Variants in ZYG11A observed in about 807,000 individuals in gnomAD.
The protein encoded by ZYG11A is zyg-11 family member A, cell cycle regulator, also known as protein zyg-11 homolog A.
ZYG11A carries 62 observed loss-of-function variants against 77.2 expected under a neutral mutation model. The observed-to-expected ratio is 0.80, with a 90% CI of 0.65 to 0.99. The LOEUF is 0.99. Ranked by LOEUF, ZYG11A falls within the 50% of genes least tolerant of loss-of-function variation. ZYG11A has a pLI of 0.00. For synonymous variants in ZYG11A, 315 were observed against 324.6 expected (o/e 0.97, Z 0.32); for missense variants, 828 against 896.8 (o/e 0.92, Z 0.98).
rs528231294 is a variant in ZYG11A at position 52,878,538 on chromosome 1, G to A, written c.1749+569G>A. On this transcript the variant is annotated intron_variant, in intron 10 of 13. Transcript: ENST00000371528. ...CAGTAAAGTCACATTGCTACGGGGT[G>A]TATATACAGGGATAGGAGAAGTTGT... Among the ~76,000 whole-genome samples, 33 of 152,328 alleles carry A rather than the reference G, an allele frequency of 2.2e-4. No individual in the cohort carries two copies. In the Middle Eastern group the frequency reaches 0.02, roughly 94 times the overall value.
At chr1:52,890,235 A>T in intron 13 of ZYG11A, among the ~76,000 whole-genome samples, 1 of 148,184 alleles carries the variant, frequency 6.7e-6, no homozygotes, top group South Asian at 2.1e-4. Flanking sequence ...TTGGGAGAAA[A>T]ATATTTTCTT....
intron 1 of ZYG11A, among the ~76,000 whole-genome samples, chr1:52,847,513 T>G (rs1245337578): frequency 6.6e-6 from 1 of 151,514 alleles, no homozygotes; most frequent in Non-Finnish European, 1.5e-5. Context: ...CCTGTCATTT[T>G]TTTTTTTTTT....
Position 52,881,840 on chromosome 1 carries a change from A to G in ZYG11A, c.1944+175A>G, listed in dbSNP as rs970595813. 11 of 509,626 alleles carry G rather than the reference A, an allele frequency of 2.2e-5. 1 individual carries two copies. The South Asian group carries it at 3.2e-4, about 15-fold the overall frequency. 31.6% of individuals were successfully genotyped at this position (509,626 alleles called of 1,614,324 possible). A position where few individuals can be genotyped will look rare whatever the true frequency, so the allele number is the denominator to read the frequency against. ...CTCTGTTAACATTTTGTTGCATATG[A>G]CTTACTTCGGTCCTCTTTCTCATCA... On this transcript the variant is annotated intron_variant, in intron 11 of 13. Coordinates refer to ENST00000371528, the MANE Select transcript of ZYG11A (RefSeq NM_001004339.3).
At chr1:52,870,464 C>A (rs1196534432) in intron 8 of ZYG11A, among the ~76,000 whole-genome samples, 1 of 152,226 alleles carries the variant, frequency 6.6e-6, no homozygotes, top group African/African-American at 2.4e-5. Flanking sequence ...AGGGCGGCGG[C>A]CGGGCAGAGG....
At chr1:52,886,699 A>ATTTTTTTT (rs386366962) in intron 12 of ZYG11A, among the ~76,000 whole-genome samples, 25 of 69,134 alleles carry the variant, frequency 3.6e-4, no homozygotes, top group South Asian at 7.6e-4. Flanking sequence ...GGCCCAGCTA[A>ATTTTTTTT]TTTTTTTTTT....
At chr1:52,852,301 C>G (rs1167635947) in intron 1 of ZYG11A, among the ~76,000 whole-genome samples, 1 of 151,480 alleles carries the variant, frequency 6.6e-6, no homozygotes, top group African/African-American at 2.4e-5. Flanking sequence ...CCCACCTCAT[C>G]TTCCCAAAGT....
Position 52,864,078 on chromosome 1 carries a change from A to G in ZYG11A, c.1247A>G (p.Lys416Arg). 1 of 1,551,936 alleles carries G rather than the reference A, an allele frequency of 6.4e-7. No individual in the cohort carries two copies. The highest frequency in any genetic ancestry group is 1.2e-5 in the South Asian group (1 of 84,064). The change falls in exon 5 of 14, where the codon AAG (lysine) becomes AGG (arginine). Residue 416 changes from lysine to arginine, a missense_variant. Physicochemically the swap from Lys to Arg is conservative, Grantham distance 26. Transcript: ENST00000371528. The part of the protein sequence containing the change: ...ALNLTRQGLA[K>R]GMPVRLLSEV... The stretch of plus-strand genomic sequence containing the variant: ...AACCTAACACGCCAGGGCCTGGCCA[A>G]GGGGATGCCTGTTCGCCTGTTGTCA...
At position 52,860,490 on chromosome 1, in the gene ZYG11A, G is replaced by A. The variant is rs540648139; in HGVS notation, c.1009-241G>A. ...TTTTTGTAATTTTAGTAGAGATGGG[G>A]TTTCACCATATTGTTCAGGCTGGTC... On this transcript the variant is annotated intron_variant, in intron 3 of 13. Transcript: ENST00000371528. Among the ~76,000 whole-genome samples the A allele has an allele frequency of 9.2e-5, 14 of 152,266 alleles. No individual in the cohort carries two copies. The South Asian group carries it at 2.7e-3, about 29-fold the overall frequency.
chr1:52,878,604 A>G (rs1646303441), intron 10 of ZYG11A, among the ~76,000 whole-genome samples: 1 of 152,116 alleles, frequency 6.6e-6, no homozygotes, highest in African/African-American at 2.4e-5. Context: ...TCCACGTTTC[A>G]TAGAGAATCT....
Sources: gnomAD v4.1 joint callset for allele counts (sites outside exome capture counted in the v4.1 genomes callset) on GRCh38, gnomAD v4.1.1 for gene constraint, MANE v1.5 for transcripts, NCBI Gene and HGNC (gene_info 2026-07-23, HGNC 2026-07-21) for gene names.